Variants in BORCS7 observed in about 807,000 individuals in gnomAD.
BORCS7 encodes BLOC-1-related complex subunit 7.
Under a neutral mutation model 17.5 loss-of-function variants are expected in BORCS7, and 20 were observed. That is an observed-to-expected ratio of 1.14 (90% CI 0.80 to 1.66). The LOEUF is 1.66. Among genes scored for constraint, BORCS7 ranks in the 40% most tolerant of loss-of-function variants. The pLI is 0.00. For synonymous variants in BORCS7, 57 were observed against 49.8 expected, an observed-to-expected ratio of 1.14 and a Z score of -0.61; for missense variants, 122 against 129.7, an observed-to-expected ratio of 0.94 and a Z score of 0.29.
At chr10:102,862,231 G>A (rs1184131162) in intron 4 of BORCS7, 51 bp downstream of exon 4, 35 of 1,553,512 alleles carry the variant, frequency 2.3e-5, no homozygotes, top group Non-Finnish European at 2.7e-5. Flanking sequence ...AGCAGGCTGG[G>A]GGGATTTATA....
intron 1 of BORCS7, among the ~76,000 whole-genome samples, chr10:102,859,710 C>G (rs1163999671): frequency 1.9e-4 from 29 of 151,806 alleles, no homozygotes; most frequent in Admixed American, 1.9e-3. Flanking sequence ...GGATTACAAG[C>G]GCAGCCACCA....
chr10:102,854,549 G>T, intron 1 of BORCS7, 122 bp downstream of exon 1: 1 of 1,228,808 alleles, frequency 8.1e-7, no homozygotes, highest in South Asian at 1.6e-5. Flanking sequence ...GCTATGAGTA[G>T]GTCTTCTTCG....
intron 1 of BORCS7, among the ~76,000 whole-genome samples, chr10:102,857,444 A>G (rs139048873): frequency 1.3e-5 from 2 of 152,330 alleles, no homozygotes; most frequent in African/African-American, 4.8e-5. Flanking sequence ...AAGTAGCCAC[A>G]GGAGGAACAG....
chr10:102,861,598 T>C (rs959175771), intron 3 of BORCS7, among the ~76,000 whole-genome samples: 1 of 151,804 alleles, frequency 6.6e-6, no homozygotes, highest in African/African-American at 2.4e-5. Flanking sequence ...ACACCTGTAA[T>C]CCCAGCTACT....
rs9527 is a variant in BORCS7 at position 102,863,821 on chromosome 10, C to T, written c.*897C>T. On this transcript the variant is annotated 3_prime_UTR_variant, in exon 5 of 5. Coordinates refer to ENST00000339834, the MANE Select transcript of BORCS7 (RefSeq NM_001136200.2). Reference sequence around the variant, plus strand: ...ATCATTATCAGGCCAGCTGCAGCCTCTTGCCTTGACCTGCATTCCTAGAAT... The same window carrying T: ...ATCATTATCAGGCCAGCTGCAGCCTTTTGCCTTGACCTGCATTCCTAGAAT... The T allele has an allele frequency of 0.21, 31,978 of 152,170 alleles. 3,542 individuals carry two copies. The highest frequency in any genetic ancestry group is 0.28 in the Middle Eastern group (84 of 296). 9.4% of individuals were successfully genotyped at this position (152,170 alleles called of 1,614,324 possible).
chr10:102,858,955 A>C (rs2134098208), intron 1 of BORCS7, among the ~76,000 whole-genome samples: 1 of 151,848 alleles, frequency 6.6e-6, no homozygotes, highest in Non-Finnish European at 1.5e-5. Flanking sequence ...GTATGCCAGG[A>C]GCAGGGTGCA....
At chr10:102,855,192 C>T (rs1195504468) in intron 1 of BORCS7, among the ~76,000 whole-genome samples, 1 of 139,776 alleles carries the variant, frequency 7.2e-6, no homozygotes, top group Non-Finnish European at 1.5e-5. Context: ...CGGAGTCTAG[C>T]TCTGTCGCCA....
chr10:102,856,196 G>A (rs1380506434), intron 1 of BORCS7, among the ~76,000 whole-genome samples: 3 of 152,084 alleles, frequency 2.0e-5, no homozygotes, highest in Non-Finnish European at 2.9e-5. Context: ...GCATGCCTGC[G>A]CTTCTCCTCC....
intron 1 of BORCS7, among the ~76,000 whole-genome samples, chr10:102,859,265 C>T (rs1232793637): frequency 6.6e-6 from 1 of 151,770 alleles, no homozygotes; most frequent in Non-Finnish European, 1.5e-5. Flanking sequence ...GCCTCAGCCT[C>T]CTGAATAACT....
chr10:102,856,460 C>T (rs1554881889), intron 1 of BORCS7, among the ~76,000 whole-genome samples: 1 of 151,382 alleles, frequency 6.6e-6, no homozygotes, highest in Non-Finnish European at 1.5e-5. Flanking sequence ...ACAGTTGCAA[C>T]TACGTAATTT....
chr10:102,861,916 C>T lies in BORCS7; in HGVS notation c.249-244C>T, dbSNP rs7085291. Among the ~76,000 whole-genome samples the T allele has an allele frequency of 4.0e-3, 611 of 152,256 alleles. 7 individuals are homozygous for T. The highest frequency in any genetic ancestry group is 0.013 in the African/African-American group (551 of 41,538). On this transcript the variant is annotated intron_variant, in intron 3 of 4. Transcript: ENST00000339834. ...ACTAATTTTAAGCCATGCATGTAGT[C>T]TGTTGAACCACATTTCTCACTCTGG...
rs1336966781 is a variant in BORCS7 at position 102,862,081 on chromosome 10, GC to G, written c.249-77del. ...TGTGACATAAGCTGAAATTTCTTCT[GC>G]CTATATGTATTATCTGGTCATAAAT... On this transcript the variant is annotated intron_variant, in intron 3 of 4. Transcript: ENST00000339834. The G allele has an allele frequency of 5.1e-6, 7 of 1,362,932 alleles. No homozygotes were observed. In the African/African-American group the frequency reaches 8.6e-5, roughly 17 times the overall value. 84.4% of individuals were successfully genotyped at this position (1,362,932 alleles called of 1,614,324 possible).
chr10:102,861,892 C>T (rs1844527197), intron 3 of BORCS7, among the ~76,000 whole-genome samples: 1 of 152,138 alleles, frequency 6.6e-6, no homozygotes, highest in Non-Finnish European at 1.5e-5. Context: ...TATACACAGA[C>T]TAATTTTAAG....
At chr10:102,862,754 C>G in intron 4 of BORCS7, 119 bp from the exon 5 acceptor site, 2 of 811,560 alleles carry the variant, frequency 2.5e-6, no homozygotes, top group Non-Finnish European at 4.0e-6. Context: ...TTGAGATTGC[C>G]TTGTGCAGCA....
At position 102,862,943 on chromosome 10, in the gene BORCS7, T is replaced by G. The variant is rs1437187913; in HGVS notation, c.*19T>G. 3 of 1,593,720 alleles carry G rather than the reference T, an allele frequency of 1.9e-6. No individual in the cohort carries two copies. Among genetic ancestry groups the G allele is most frequent in the Non-Finnish European group, 2.6e-6 (3 of 1,161,526 alleles). On this transcript the variant is annotated 3_prime_UTR_variant, in exon 5 of 5. Transcript: ENST00000339834. ...GAAATAGAATGACATGTAAGAGTGCTGTAGGACTCCTTTGCCTAATGCTGA... is the reference window on the plus strand; with the variant it reads ...GAAATAGAATGACATGTAAGAGTGCGGTAGGACTCCTTTGCCTAATGCTGA...
chr10:102,862,543 C>G (rs1844537697), intron 4 of BORCS7, among the ~76,000 whole-genome samples: 1 of 152,232 alleles, frequency 6.6e-6, no homozygotes, highest in Non-Finnish European at 1.5e-5. Context: ...GTTTACATTA[C>G]TAATTGGCTT....
chr10:102,855,081 A>G (rs1056947045), intron 1 of BORCS7, among the ~76,000 whole-genome samples: 13 of 150,204 alleles, frequency 8.7e-5, no homozygotes, highest in African/African-American at 3.2e-4. Context: ...AGCATTTTAT[A>G]TATGCTAGAC....
intron 1 of BORCS7, among the ~76,000 whole-genome samples, chr10:102,858,775 TAACTTTAA>T (rs756407119): frequency 1.3e-5 from 2 of 152,214 alleles, no homozygotes; most frequent in Non-Finnish European, 2.9e-5. Flanking sequence ...AAGGGGTTAC[TAACTTTAA>T]AACTTTAAAT....
chr10:102,860,784 C>T, intron 3 of BORCS7: 1 of 595,940 alleles, frequency 1.7e-6, no homozygotes, highest in East Asian at 2.8e-5. Context: ...GAGGGCTCCT[C>T]AGAGAGAGAC....
Sources: allele counts gnomAD v4.1 joint callset (sites outside exome capture counted in the v4.1 genomes callset), GRCh38; gene constraint gnomAD v4.1.1; transcripts MANE v1.5; gene names NCBI Gene and HGNC (gene_info 2026-07-23, HGNC 2026-07-21).